The following SLC24A2 variants were observed in gnomAD, a reference collection of about 807,000 sequenced individuals.
The protein encoded by SLC24A2 is solute carrier family 24 member 2.
Under a neutral mutation model 62.0 loss-of-function variants are expected in SLC24A2, and 36 were observed. The ratio of observed to expected loss-of-function variants is 0.58; its 90% confidence interval spans 0.44 to 0.77. The LOEUF is 0.77. SLC24A2 is among the 30% of genes least tolerant of loss of function. The pLI is 0.00. For missense variants in SLC24A2, 846 were observed against 817.9 expected, an observed-to-expected ratio of 1.03 and a Z score of -0.42; for synonymous variants, 358 against 294.0, an observed-to-expected ratio of 1.22 and a Z score of -2.23.
At chr9:19,920,344 A>G in the SLC24A2 span, among the ~76,000 whole-genome samples, 1 of 152,194 alleles carries the variant, frequency 6.6e-6, no homozygotes, top group African/African-American at 2.4e-5. Context: ...GACAATTTTC[A>G]TAGTTGCCAA....
At chr9:20,161,434 G>C in the SLC24A2 span, among the ~76,000 whole-genome samples, 3 of 151,332 alleles carry the variant, frequency 2.0e-5, no homozygotes, top group Non-Finnish European at 4.4e-5. Context: ...AAAAAAGAAA[G>C]TTACAGGCCA....
chr9:19,652,530 G>A (rs189720572), intron 2 of SLC24A2, among the ~76,000 whole-genome samples: 279 of 152,160 alleles, frequency 1.8e-3, no homozygotes, highest in Middle Eastern at 0.01. Context: ...GGAATGGGAC[G>A]CACACCAAGG....
chr9:19,822,701 A>G, the SLC24A2 span, among the ~76,000 whole-genome samples: 32 of 152,180 alleles, frequency 2.1e-4, no homozygotes, highest in Admixed American at 2.1e-3. Context: ...GTGATTGCAT[A>G]GGCTAATGGA....
chr9:20,016,789 C>A, the SLC24A2 span, among the ~76,000 whole-genome samples: 3 of 152,042 alleles, frequency 2.0e-5, no homozygotes, highest in Non-Finnish European at 2.9e-5. Context: ...ACACTCCCAG[C>A]TGTGAAAAGC....
intron 2 of SLC24A2, among the ~76,000 whole-genome samples, chr9:19,687,802 A>G (rs1377330164): frequency 6.6e-6 from 1 of 152,058 alleles, no homozygotes; most frequent in East Asian, 1.9e-4. Flanking sequence ...TGAACCCTAT[A>G]ATTTGGGTGA....
chr9:20,090,120 C>T, the SLC24A2 span, among the ~76,000 whole-genome samples: 1 of 152,174 alleles, frequency 6.6e-6, no homozygotes, highest in South Asian at 2.1e-4. Flanking sequence ...GGAAGCCACT[C>T]TGTCTCCCAT....
chr9:20,031,161 T>C, the SLC24A2 span, among the ~76,000 whole-genome samples: 1 of 151,612 alleles, frequency 6.6e-6, no homozygotes, highest in South Asian at 2.1e-4. Context: ...CACACATATA[T>C]ATTCACATAC....
the SLC24A2 span, among the ~76,000 whole-genome samples, chr9:20,199,460 G>T: frequency 6.6e-6 from 1 of 152,118 alleles, no homozygotes; most frequent in Non-Finnish European, 1.5e-5. Context: ...ATTGGCATCT[G>T]GGGGGTGTCC....
the SLC24A2 span, among the ~76,000 whole-genome samples, chr9:20,054,196 A>G: frequency 2.0e-5 from 3 of 146,574 alleles, no homozygotes; most frequent in Admixed American, 1.4e-4. Flanking sequence ...TTTATTTTTT[A>G]TGCTTTTATT....
the SLC24A2 span, among the ~76,000 whole-genome samples, chr9:20,051,167 T>A: frequency 6.6e-6 from 1 of 152,072 alleles, no homozygotes; most frequent in African/African-American, 2.4e-5. Context: ...ATCATTTAAA[T>A]ATAAAAGAGT....
chr9:20,059,774 C>G, the SLC24A2 span, among the ~76,000 whole-genome samples: 704 of 151,998 alleles, frequency 4.6e-3, 3 homozygotes, highest in Non-Finnish European at 6.3e-3. Flanking sequence ...AAAACCAAAG[C>G]TAGCAGAGGG....
chr9:20,111,598 T>C, the SLC24A2 span, among the ~76,000 whole-genome samples: 4 of 152,282 alleles, frequency 2.6e-5, 1 homozygote, highest in East Asian at 7.7e-4. Flanking sequence ...CTATATCAGC[T>C]GAGAGCTTGT....
At chr9:19,743,581 G>T (rs781452045) in intron 2 of SLC24A2, among the ~76,000 whole-genome samples, 4 of 151,898 alleles carry the variant, frequency 2.6e-5, no homozygotes, top group Non-Finnish European at 5.9e-5. Flanking sequence ...ATTTGAAGCT[G>T]GTGTTATATT....
At chr9:20,175,816 C>A in the SLC24A2 span, among the ~76,000 whole-genome samples, 3 of 151,800 alleles carry the variant, frequency 2.0e-5, no homozygotes, top group African/African-American at 4.8e-5. Flanking sequence ...ATTCACTTAC[C>A]TTTGTATTCC....
the SLC24A2 span, among the ~76,000 whole-genome samples, chr9:19,840,915 G>C: frequency 6.6e-6 from 1 of 152,128 alleles, no homozygotes; most frequent in Non-Finnish European, 1.5e-5. Context: ...ATGTTGCTGT[G>C]TGTATCAGGA....
the SLC24A2 span, among the ~76,000 whole-genome samples, chr9:20,194,985 C>T: frequency 4.4e-3 from 670 of 152,268 alleles, 6 homozygotes; most frequent in African/African-American, 0.015. Flanking sequence ...CCTAGGTATA[C>T]ATCCGTAAAC....
chr9:20,216,719 A>G, the SLC24A2 span, among the ~76,000 whole-genome samples: 1 of 152,184 alleles, frequency 6.6e-6, no homozygotes, highest in Non-Finnish European at 1.5e-5. Flanking sequence ...AAGCTATCTC[A>G]ATTTTTGAAC....
the SLC24A2 span, among the ~76,000 whole-genome samples, chr9:19,946,616 T>C: frequency 6.6e-6 from 1 of 152,206 alleles, no homozygotes; most frequent in African/African-American, 2.4e-5. Flanking sequence ...TCTCCTGAGT[T>C]AATGAGACAA....
At chr9:19,821,732 CTT>C in the SLC24A2 span, among the ~76,000 whole-genome samples, 2 of 152,068 alleles carry the variant, frequency 1.3e-5, no homozygotes, top group East Asian at 3.9e-4. Context: ...TATATCCTAA[CTT>C]TCTTACAAGG....
Sources: gnomAD v4.1 joint callset for allele counts (sites outside exome capture counted in the v4.1 genomes callset) on GRCh38, gnomAD v4.1.1 for gene constraint, MANE v1.5 for transcripts, NCBI Gene and HGNC (gene_info 2026-07-23, HGNC 2026-07-21) for gene names.